Variants in SCN1A observed in about 807,000 individuals in gnomAD.
The protein encoded by SCN1A is sodium channel protein type 1 subunit alpha.
SCN1A carries 13 observed loss-of-function variants against 193.7 expected under a neutral mutation model. That is an observed-to-expected ratio of 0.07 (90% CI 0.04 to 0.11). SCN1A has a LOEUF of 0.11. Ranked by LOEUF, SCN1A falls within the 10% of genes least tolerant of loss-of-function variation. The pLI is 1.00. For synonymous variants in SCN1A, 781 were observed against 843.6 expected (o/e 0.93, Z 1.29); for missense variants, 1,432 against 2,451.1 (o/e 0.58, Z 8.78).
intron 2 of SCN1A, among the ~76,000 whole-genome samples, chr2:166,098,346 C>A (rs1687628946): frequency 6.6e-6 from 1 of 152,146 alleles, no homozygotes; most frequent in East Asian, 1.9e-4. Flanking sequence ...AAACCCTCAA[C>A]AAATTAGGCC....
chr2:166,049,297 C>A (rs1430161967), intron 9 of SCN1A, among the ~76,000 whole-genome samples: 1 of 152,052 alleles, frequency 6.6e-6, no homozygotes. Flanking sequence ...CATTTGTTCA[C>A]CATTCTCACG....
At position 165,990,668 on chromosome 2, in the gene SCN1A, T is replaced by G. The variant is rs1396823927; in HGVS notation, c.*577A>C. ...CTTTTTCTCATGCATGATCTCTAAGTGCAGCATGCCCTCATGCAAACCACG... is the reference window on the plus strand; with the variant it reads ...CTTTTTCTCATGCATGATCTCTAAGGGCAGCATGCCCTCATGCAAACCACG... On this transcript the variant is annotated 3_prime_UTR_variant, in exon 29 of 29. Coordinates refer to ENST00000674923, the MANE Select transcript of SCN1A (RefSeq NM_001165963.4). The G allele has an allele frequency of 2.0e-5, 3 of 153,620 alleles. No homozygotes were observed. The highest frequency in any genetic ancestry group is 4.8e-5 in the African/African-American group (2 of 41,418). 9.5% of individuals were successfully genotyped at this position (153,620 alleles called of 1,614,324 possible).
At chr2:166,083,982 T>C (rs1685811193) in intron 2 of SCN1A, among the ~76,000 whole-genome samples, 1 of 152,058 alleles carries the variant, frequency 6.6e-6, no homozygotes, top group Non-Finnish European at 1.5e-5. Context: ...TGACTGTGAT[T>C]GTGGTTGCAG....
intron 19 of SCN1A, among the ~76,000 whole-genome samples, chr2:166,022,320 C>T (rs1288375993): frequency 6.6e-6 from 1 of 151,240 alleles, no homozygotes; most frequent in Non-Finnish European, 1.5e-5. Context: ...TAAGCTAATG[C>T]AAAGAGCTAT....
chr2:166,134,151 C>T (rs1691766206), intron 1 of SCN1A, among the ~76,000 whole-genome samples: 1 of 152,060 alleles, frequency 6.6e-6, no homozygotes. Flanking sequence ...TTTTGCTAAT[C>T]ATTGAGAAAT....
chr2:166,054,534 A>C (rs1698926694), intron 7 of SCN1A, 104 bp downstream of exon 7: 1 of 1,242,124 alleles, frequency 8.1e-7, no homozygotes. Flanking sequence ...TGTATAAATC[A>C]CACCAAAATA....
chr2:165,994,172 A>G lies in SCN1A; in HGVS notation c.4826T>C (p.Phe1609Ser). ...TACAATGGAGAGAATGACAACCACA[A>G]AATCAAAAATATTCCATCCAATGGT... ...YFTIGWNIFD[F>S]VVVILSIVGM... The change falls in exon 28 of 29, where the codon TTT becomes TCT. Residue 1609 changes from phenylalanine (F) to serine (S), a missense_variant. Phe to Ser is a radical substitution (Grantham distance 155). Coordinates refer to ENST00000674923, the MANE Select transcript of SCN1A (RefSeq NM_001165963.4). 6.2e-7 allele frequency: 1 copy of G among 1,611,676 alleles called. No homozygotes were observed. Among genetic ancestry groups the G allele is most frequent in the Non-Finnish European group, 8.5e-7 (1 of 1,178,568 alleles).
intron 23 of SCN1A, 26 bp downstream of exon 23, chr2:166,009,693 A>T: frequency 6.3e-7 from 1 of 1,596,406 alleles, no homozygotes; most frequent in East Asian, 2.3e-5. Flanking sequence ...TATATACAAT[A>T]CTTCAGGTTC....
intron 19 of SCN1A, among the ~76,000 whole-genome samples, chr2:166,029,349 G>A (rs1334878743): frequency 6.6e-6 from 1 of 152,082 alleles, no homozygotes; most frequent in Non-Finnish European, 1.5e-5. Context: ...GAAGATGATG[G>A]AGGTCTGACA....
intron 2 of SCN1A, among the ~76,000 whole-genome samples, chr2:166,083,555 A>G (rs1685759995): frequency 6.6e-6 from 1 of 151,990 alleles, no homozygotes; most frequent in Admixed American, 6.6e-5. Flanking sequence ...CATACAATAC[A>G]TAGAAATACA....
At chr2:166,040,868 A>G (rs1697080338) in intron 16 of SCN1A, among the ~76,000 whole-genome samples, 1 of 152,220 alleles carries the variant, frequency 6.6e-6, no homozygotes, top group Non-Finnish European at 1.5e-5. Flanking sequence ...GATGATGACT[A>G]AGAAGGATAA....
intron 26 of SCN1A, 35 bp downstream of exon 26, chr2:165,998,003 A>G (rs1336532264): frequency 1.3e-6 from 2 of 1,536,798 alleles, no homozygotes; most frequent in South Asian, 1.1e-5. Context: ...ATAATTTTCT[A>G]TCTCAGTGGG....
At chr2:166,064,658 T>C (rs1047531346) in intron 4 of SCN1A, among the ~76,000 whole-genome samples, 2 of 152,186 alleles carry the variant, frequency 1.3e-5, no homozygotes, top group South Asian at 4.1e-4. Context: ...TTCCAGTTTC[T>C]TTTTCTCATT....
intron 19 of SCN1A, among the ~76,000 whole-genome samples, chr2:166,027,605 TAATA>T (rs1694975580): frequency 6.6e-6 from 1 of 151,008 alleles, no homozygotes; most frequent in Non-Finnish European, 1.5e-5. Flanking sequence ...CATATATATT[TAATA>T]TATATATTTA....
intron 27 of SCN1A, among the ~76,000 whole-genome samples, chr2:165,995,633 A>G (rs937113769): frequency 1.3e-5 from 2 of 151,800 alleles, no homozygotes; most frequent in Non-Finnish European, 2.9e-5. Flanking sequence ...AGGAAATTGC[A>G]TTTCTTACAG....
chr2:166,055,948 G>A (rs945645615), intron 6 of SCN1A, among the ~76,000 whole-genome samples: 14 of 152,006 alleles, frequency 9.2e-5, no homozygotes, highest in Non-Finnish European at 1.2e-4. Flanking sequence ...TGGTGACCAC[G>A]CTTGGAACTA....
intron 2 of SCN1A, among the ~76,000 whole-genome samples, chr2:166,102,173 C>G (rs1180563785): frequency 6.6e-6 from 1 of 152,156 alleles, no homozygotes; most frequent in Admixed American, 6.5e-5. Flanking sequence ...CAATGAGATA[C>G]CATCTCACAC....
Position 166,023,478 on chromosome 2 carries a change from G to C in SCN1A, c.3430-7751C>G, listed in dbSNP as rs1180102481. Reference sequence around the variant, plus strand: ...ATTTTTTAAATATGTAAAATGAAGAGATGATCTTTAAAGTTCCAGCTTTAA... The same window carrying C: ...ATTTTTTAAATATGTAAAATGAAGACATGATCTTTAAAGTTCCAGCTTTAA... On this transcript the variant is annotated intron_variant, in intron 19 of 28. Coordinates refer to ENST00000674923, the MANE Select transcript of SCN1A (RefSeq NM_001165963.4). Among the ~76,000 whole-genome samples the C allele has an allele frequency of 2.6e-5, 4 of 152,220 alleles. No individual in the cohort carries two copies. In the South Asian group the frequency reaches 8.3e-4, roughly 31 times the overall value.
At chr2:166,139,753 G>C (rs1692006802) in intron 1 of SCN1A, among the ~76,000 whole-genome samples, 1 of 152,088 alleles carries the variant, frequency 6.6e-6, no homozygotes, top group South Asian at 2.1e-4. Flanking sequence ...CATCTCGTGA[G>C]ACTTATACAC....
Sources: allele counts gnomAD v4.1 joint callset (sites outside exome capture counted in the v4.1 genomes callset), GRCh38; gene constraint gnomAD v4.1.1; transcripts MANE v1.5; gene names NCBI Gene and HGNC (gene_info 2026-07-23, HGNC 2026-07-21).